Variants in PSD3 observed in about 807,000 individuals in gnomAD.
PSD3 encodes PH and SEC7 domain-containing protein 3.
In PSD3, 49 loss-of-function variants were observed where a neutral mutation model predicts 105.5. The ratio of observed to expected loss-of-function variants is 0.46; its 90% CI spans 0.37 to 0.59. The LOEUF (loss-of-function observed/expected upper bound fraction) is 0.59, where lower values mean the gene tolerates loss of function less well. Ranked by LOEUF, PSD3 falls within the 20% of genes least tolerant of loss-of-function variation. The pLI, the probability that PSD3 is intolerant of heterozygous loss-of-function variation, is 0.00. For missense variants in PSD3, 1,561 were observed against 1,263.8 expected, an observed-to-expected ratio of 1.24 and a Z score of -3.57; for synonymous variants, 557 against 457.8, an observed-to-expected ratio of 1.22 and a Z score of -2.77.
chr8:18,718,739 T>C (rs973202239), intron 9 of PSD3, among the ~76,000 whole-genome samples: 1 of 151,848 alleles, frequency 6.6e-6, no homozygotes, highest in Admixed American at 6.6e-5. Context: ...AAACAGGAAA[T>C]GATGACAGAA....
intron 14 of PSD3, among the ~76,000 whole-genome samples, chr8:18,568,919 A>C: frequency 6.9e-6 from 1 of 145,976 alleles, no homozygotes; most frequent in East Asian, 2.1e-4. Flanking sequence ...ATGTGATCTC[A>C]CTGTTCAGTT....
chr8:19,047,948 T>A (rs1345015929), intron 1 of PSD3, among the ~76,000 whole-genome samples: 1 of 152,184 alleles, frequency 6.6e-6, no homozygotes, highest in East Asian at 1.9e-4. Context: ...ATTTCTTTTT[T>A]TTTTAATGAA....
intron 8 of PSD3, among the ~76,000 whole-genome samples, chr8:18,781,498 T>G (rs949611290): frequency 5.9e-5 from 9 of 152,210 alleles, no homozygotes; most frequent in African/African-American, 2.2e-4. Context: ...TCATATTCCT[T>G]GAACTTTGGG....
At chr8:18,921,382 G>A (rs939338346) in intron 2 of PSD3, among the ~76,000 whole-genome samples, 1 of 152,210 alleles carries the variant, frequency 6.6e-6, no homozygotes, top group Non-Finnish European at 1.5e-5. Context: ...AAACACTAGG[G>A]GAGATGCTTA....
chr8:18,714,928 C>T (rs1323941142), intron 9 of PSD3, among the ~76,000 whole-genome samples: 4 of 152,194 alleles, frequency 2.6e-5, no homozygotes, highest in Admixed American at 6.5e-5. Context: ...GGCACATATA[C>T]ACCATAGAAT....
chr8:18,919,201 G>A (rs1436058073), intron 2 of PSD3, among the ~76,000 whole-genome samples: 6 of 152,142 alleles, frequency 3.9e-5, no homozygotes, highest in Non-Finnish European at 5.9e-5. Flanking sequence ...TCTTCTAGCA[G>A]TGTTTGTTCT....
At chr8:18,660,767 A>G (rs991546407) in intron 9 of PSD3, among the ~76,000 whole-genome samples, 41 of 152,182 alleles carry the variant, frequency 2.7e-4, no homozygotes, top group Non-Finnish European at 1.3e-4. Flanking sequence ...CAAGCTTACC[A>G]ATCTTTTATC....
chr8:18,965,997 G>A lies in PSD3; in HGVS notation c.22-29855C>T, dbSNP rs532441791. On this transcript the variant is annotated intron_variant, in intron 1 of 15. Transcript: ENST00000327040. ...ATTAATCCTCACAACACCTGATGAG[G>A]GGAGTAGGCAACAAATATTTTAATC... 4.6e-5 allele frequency among the ~76,000 whole-genome samples: 7 copies of A among 152,242 alleles called. No individual in the cohort carries two copies. The South Asian group carries it at 1.5e-3, about 32-fold the overall frequency.
intron 2 of PSD3, among the ~76,000 whole-genome samples, chr8:18,911,323 C>T (rs538475389): frequency 7.9e-5 from 12 of 152,300 alleles, no homozygotes; most frequent in African/African-American, 2.9e-4. Context: ...GAAGTATAGC[C>T]TACTTTCAAG....
intron 2 of PSD3, among the ~76,000 whole-genome samples, chr8:18,878,807 G>T (rs1817897333): frequency 6.6e-6 from 1 of 152,028 alleles, no homozygotes; most frequent in Non-Finnish European, 1.5e-5. Context: ...AAACAAATAA[G>T]CATAATGTTA....
chr8:18,631,639 C>A (rs953541393), intron 11 of PSD3, among the ~76,000 whole-genome samples: 1 of 151,578 alleles, frequency 6.6e-6, no homozygotes, highest in Non-Finnish European at 1.5e-5. Context: ...AGTTCTGATA[C>A]AATGTTGTGG....
chr8:18,899,245 T>C (rs1206285212), intron 2 of PSD3, among the ~76,000 whole-genome samples: 1 of 152,186 alleles, frequency 6.6e-6, no homozygotes, highest in Non-Finnish European at 1.5e-5. Flanking sequence ...TTCTCTGATA[T>C]CTACATCTTG....
At chr8:18,892,902 G>A (rs1210352615) in intron 2 of PSD3, among the ~76,000 whole-genome samples, 2 of 152,158 alleles carry the variant, frequency 1.3e-5, no homozygotes, top group African/African-American at 4.8e-5. Flanking sequence ...TGGGATTACA[G>A]ATGTGAGCAA....
chr8:18,982,430 T>C (rs866296308), intron 1 of PSD3, among the ~76,000 whole-genome samples: 2 of 152,258 alleles, frequency 1.3e-5, no homozygotes, highest in African/African-American at 4.8e-5. Flanking sequence ...ATGTTCTTAA[T>C]GGCATCTAGA....
At chr8:18,601,510 T>C (rs1804439447) in intron 11 of PSD3, among the ~76,000 whole-genome samples, 1 of 152,122 alleles carries the variant, frequency 6.6e-6, no homozygotes, top group African/African-American at 2.4e-5. Context: ...TTCTTAGACT[T>C]GGAACTAGGT....
chr8:18,854,981 G>C (rs778273341), intron 4 of PSD3, among the ~76,000 whole-genome samples: 8 of 152,184 alleles, frequency 5.3e-5, no homozygotes, highest in African/African-American at 1.4e-4. Flanking sequence ...AGAGGCATCC[G>C]AGAAACCAGG....
chr8:18,687,958 G>A (rs1350990895), intron 9 of PSD3, among the ~76,000 whole-genome samples: 4 of 151,978 alleles, frequency 2.6e-5, no homozygotes, highest in African/African-American at 9.7e-5. Context: ...TAGTAAAGAT[G>A]GGGTTTCGCC....
exon 1 of PSD3, chr8:19,084,635 A>C: frequency 3.0e-6 from 1 of 338,678 alleles, no homozygotes; most frequent in South Asian, 2.2e-5. Context: ...TGCAATCACC[A>C]CCCCTGCTTA....
At position 18,631,297 on chromosome 8, in the gene PSD3, G is replaced by C. The variant is rs186792374; in HGVS notation, c.2410+1316C>G. Among the ~76,000 whole-genome samples, 35 of 152,108 alleles carry C rather than the reference G, an allele frequency of 2.3e-4. 1 individual carries two copies. The East Asian group carries it at 6.2e-3, about 27-fold the overall frequency. On this transcript the variant is annotated intron_variant, in intron 11 of 15. Coordinates refer to ENST00000327040, the MANE Select transcript of PSD3 (RefSeq NM_015310.4). ...TGTGTGCCAAGAACTCCCATTCTCT[G>C]AGACCAGTATCTCATTCTTACTGTC...
Sources: gnomAD v4.1 joint callset for allele counts (sites outside exome capture counted in the v4.1 genomes callset) on GRCh38, gnomAD v4.1.1 for gene constraint, MANE v1.5 for transcripts, NCBI Gene and HGNC (gene_info 2026-07-23, HGNC 2026-07-21) for gene names.